CNTN6: variants seen among roughly 807,000 people sequenced by gnomAD.
The protein encoded by CNTN6 is contactin 6.
A neutral mutation model predicts 122.8 loss-of-function variants in CNTN6; 137 were observed. The ratio of observed to expected loss-of-function variants is 1.12; its 90% CI spans 0.97 to 1.29. The LOEUF (loss-of-function observed/expected upper bound fraction) is 1.29, where lower values mean the gene tolerates loss of function less well. CNTN6 is among the 50% of genes most tolerant of loss of function. CNTN6 has a pLI of 0.00. For synonymous variants in CNTN6, 570 were observed against 426.0 expected, an observed-to-expected ratio of 1.34 and a Z score of -4.16; for missense variants, 1,634 against 1,223.4, an observed-to-expected ratio of 1.34 and a Z score of -5.01.
At chr3:1,119,574 C>G (rs1574916364) in intron 1 of CNTN6, among the ~76,000 whole-genome samples, 1 of 151,724 alleles carries the variant, frequency 6.6e-6, no homozygotes, top group Non-Finnish European at 1.5e-5. Flanking sequence ...AGAATGAGAG[C>G]CACAAGACTA....
chr3:1,255,004 G>A (rs1453989015), intron 4 of CNTN6, among the ~76,000 whole-genome samples: 2 of 152,054 alleles, frequency 1.3e-5, no homozygotes, highest in East Asian at 3.9e-4. Flanking sequence ...ATTACGTATT[G>A]TTGGCCCAGG....
In CNTN6 at chr3:1,114,727, C is replaced by A. The variant is rs2091637577; in HGVS notation, c.-83+21607C>A. 3.3e-5 allele frequency among the ~76,000 whole-genome samples: 5 copies of A among 152,108 alleles called. No individual in the cohort carries two copies. In the South Asian group the frequency reaches 8.3e-4, roughly 25 times the overall value. ...GTATTTTTAGTCTCAAGACATTGAG[C>A]AAAGACATTTTTTTTGCTCTGGTCA... On this transcript the variant is annotated intron_variant, in intron 1 of 22. Coordinates refer to ENST00000446702, the MANE Select transcript of CNTN6 (RefSeq NM_001289080.2).
At chr3:1,244,604 C>G (rs111902812) in intron 4 of CNTN6, among the ~76,000 whole-genome samples, 3,429 of 147,770 alleles carry the variant, frequency 0.023, 185 homozygotes, top group East Asian at 0.12. Flanking sequence ...TCCCCCGATC[C>G]GAGTCACAGC....
chr3:1,250,798 T>C (rs1255935600), intron 4 of CNTN6, among the ~76,000 whole-genome samples: 2 of 152,166 alleles, frequency 1.3e-5, no homozygotes, highest in African/African-American at 4.8e-5. Flanking sequence ...AACTGACATT[T>C]GGCTTCCATC....
intron 1 of CNTN6, among the ~76,000 whole-genome samples, chr3:1,116,539 T>C (rs981775838): frequency 1.3e-5 from 2 of 152,080 alleles, no homozygotes; most frequent in Non-Finnish European, 2.9e-5. Flanking sequence ...ACAACATTTG[T>C]ATAGGCTTAA....
chr3:1,169,630 C>T (rs890882637), intron 2 of CNTN6, among the ~76,000 whole-genome samples: 1 of 152,100 alleles, frequency 6.6e-6, no homozygotes, highest in Non-Finnish European at 1.5e-5. Flanking sequence ...ATTTTATTTC[C>T]TCCTTTTACT....
chr3:1,401,175 T>A, intron 20 of CNTN6: 1 of 376,772 alleles, frequency 2.7e-6, no homozygotes. Context: ...TCAACAGCAA[T>A]GATTAATAAA....
At chr3:1,180,789 G>C (rs1224364500) in intron 2 of CNTN6, among the ~76,000 whole-genome samples, 3 of 152,162 alleles carry the variant, frequency 2.0e-5, no homozygotes, top group Admixed American at 2.0e-4. Flanking sequence ...TATATGGTTT[G>C]AGCCTTGGTC....
intron 2 of CNTN6, among the ~76,000 whole-genome samples, chr3:1,173,619 T>C (rs2093399017): frequency 6.6e-6 from 1 of 152,166 alleles, no homozygotes; most frequent in Non-Finnish European, 1.5e-5. Flanking sequence ...TCTGTTGAGA[T>C]TATTTTTTTA....
At chr3:1,148,484 A>T (rs1290717600) in intron 2 of CNTN6, among the ~76,000 whole-genome samples, 5 of 152,076 alleles carry the variant, frequency 3.3e-5, no homozygotes, top group African/African-American at 1.2e-4. Context: ...TTAGAAATTG[A>T]TATGGCAAAA....
intron 1 of CNTN6, among the ~76,000 whole-genome samples, chr3:1,114,298 C>A (rs547389175): frequency 3.6e-4 from 55 of 152,124 alleles, no homozygotes; most frequent in Non-Finnish European, 7.1e-4. Flanking sequence ...TCCTATTTAG[C>A]CATCACTTGA....
At chr3:1,119,399 T>A (rs1274416952) in intron 1 of CNTN6, among the ~76,000 whole-genome samples, 1 of 144,664 alleles carries the variant, frequency 6.9e-6, no homozygotes, top group African/African-American at 2.6e-5. Context: ...CTTTGACATC[T>A]TAAAAACTCT....
At chr3:1,358,197 G>A (rs142446663) in intron 12 of CNTN6, among the ~76,000 whole-genome samples, 80 of 151,836 alleles carry the variant, frequency 5.3e-4, no homozygotes, top group African/African-American at 1.7e-3. Flanking sequence ...CAACCGATAC[G>A]TTTATTCTGC....
In CNTN6 at chr3:1,155,170, CTTAT is replaced by C. The variant is rs2092935494; in HGVS notation, c.55+7112_55+7115del. 3.3e-5 allele frequency among the ~76,000 whole-genome samples: 5 copies of C among 152,150 alleles called. No homozygotes were observed. The South Asian group carries it at 1.0e-3, about 32-fold the overall frequency. ...TGAGCTCGTCGCTATCTGGAATTAACTTATTTATACATTGTTTACCAGTGCACTT... is the reference window on the plus strand; with the variant it reads ...TGAGCTCGTCGCTATCTGGAATTAACTTATACATTGTTTACCAGTGCACTT... On this transcript the variant is annotated intron_variant, in intron 2 of 22. Transcript: ENST00000446702.
chr3:1,316,827 C>G (rs1316101451), intron 7 of CNTN6, among the ~76,000 whole-genome samples: 1 of 151,824 alleles, frequency 6.6e-6, no homozygotes, highest in Admixed American at 6.6e-5. Context: ...TTCATTGATT[C>G]CAGTTTTTCC....
At chr3:1,365,070 C>T (rs1230119623) in intron 12 of CNTN6, among the ~76,000 whole-genome samples, 1 of 151,998 alleles carries the variant, frequency 6.6e-6, no homozygotes. Flanking sequence ...ATTCACTCTC[C>T]CCCAACATGT....
At chr3:1,292,395 A>G (rs531458682) in intron 5 of CNTN6, among the ~76,000 whole-genome samples, 1 of 152,254 alleles carries the variant, frequency 6.6e-6, no homozygotes, top group South Asian at 2.1e-4. Context: ...GATAAACTTG[A>G]TATTTTTAAT....
At chr3:1,373,890 C>T in intron 15 of CNTN6, 34 bp from the exon 16 acceptor site, 1 of 1,585,920 alleles carries the variant, frequency 6.3e-7, no homozygotes, top group Non-Finnish European at 8.6e-7. Context: ...TGAGTAGTCC[C>T]AACCTAGGTG....
chr3:1,150,539 A>G (rs771977398), intron 2 of CNTN6, among the ~76,000 whole-genome samples: 1 of 152,214 alleles, frequency 6.6e-6, no homozygotes, highest in East Asian at 1.9e-4. Flanking sequence ...ACAGTCATAC[A>G]TGATTGATTC....
Sources: allele counts gnomAD v4.1 joint callset (sites outside exome capture counted in the v4.1 genomes callset), GRCh38; gene constraint gnomAD v4.1.1; transcripts MANE v1.5; gene names NCBI Gene and HGNC (gene_info 2026-07-23, HGNC 2026-07-21).